Variants in HSD17B2 observed in about 807,000 individuals in gnomAD.
The protein encoded by HSD17B2 is 17-beta-hydroxysteroid dehydrogenase type 2.
HSD17B2 carries 32 observed loss-of-function variants against 26.9 expected under a neutral mutation model. The observed-to-expected ratio is 1.19, with a 90% CI of 0.90 to 1.60. The LOEUF is 1.60. HSD17B2 is among the 40% of genes most tolerant of loss of function. The probability of loss-of-function intolerance (pLI) is 0.00; values close to 1 mark genes in which losing one functional copy is unlikely to be tolerated. For synonymous variants in HSD17B2, 246 were observed against 186.7 expected, an observed-to-expected ratio of 1.32 and a Z score of -2.59; for missense variants, 613 against 468.6, an observed-to-expected ratio of 1.31 and a Z score of -2.85.
intron 3 of HSD17B2, among the ~76,000 whole-genome samples, chr16:82,075,400 A>G (rs533794679): frequency 1.3e-5 from 2 of 152,160 alleles, no homozygotes; most frequent in East Asian, 1.9e-4. Flanking sequence ...ACAAAAGATC[A>G]GCAAAATGAA....
intron 1 of HSD17B2, among the ~76,000 whole-genome samples, chr16:82,036,934 T>A (rs987774459): frequency 2.0e-5 from 3 of 152,182 alleles, no homozygotes; most frequent in Non-Finnish European, 2.9e-5. Flanking sequence ...TTATGAAACC[T>A]TAGGATGAGC....
intron 1 of HSD17B2, among the ~76,000 whole-genome samples, chr16:82,059,894 C>T (rs1914384680): frequency 6.6e-6 from 1 of 151,938 alleles, no homozygotes; most frequent in African/African-American, 2.4e-5. Flanking sequence ...AGGTTATGTT[C>T]CAAGAAAAAT....
At chr16:82,094,235 A>G (rs1039169007) in intron 4 of HSD17B2, 1 of 152,228 alleles carries the variant, frequency 6.6e-6, no homozygotes, top group Non-Finnish European at 1.5e-5. Context: ...CCCCTATTCA[A>G]GATGGAGTTA....
intron 1 of HSD17B2, among the ~76,000 whole-genome samples, chr16:82,057,728 C>G (rs1050342157): frequency 5.3e-5 from 8 of 152,130 alleles, no homozygotes; most frequent in Non-Finnish European, 8.8e-5. Context: ...ATCTTCTTCC[C>G]CCAAACCTAT....
At chr16:82,038,443 G>T (rs907759882) in intron 1 of HSD17B2, among the ~76,000 whole-genome samples, 4 of 152,120 alleles carry the variant, frequency 2.6e-5, no homozygotes, top group Non-Finnish European at 4.4e-5. Context: ...TCTGCCTCCC[G>T]GGTTCAAGTG....
rs147092741 is a variant in HSD17B2, at chr16:82,038,665, G to C, written c.265+2976G>C. ...TTTGAAGACACACAGGCTTGGGTTTGAATCCTGCATCTACCTTGCCTTAGG... is the reference window on the plus strand; with the variant it reads ...TTTGAAGACACACAGGCTTGGGTTTCAATCCTGCATCTACCTTGCCTTAGG... On this transcript the variant is annotated intron_variant, in intron 1 of 4. Coordinates refer to ENST00000199936, the MANE Select transcript of HSD17B2 (RefSeq NM_002153.3). 6.2e-4 allele frequency among the ~76,000 whole-genome samples: 94 copies of C among 152,354 alleles called. 2 individuals are homozygous for C. In the East Asian group the frequency reaches 0.014, roughly 22 times the overall value.
chr16:82,043,826 G>A (rs1397570073), intron 1 of HSD17B2, among the ~76,000 whole-genome samples: 4 of 151,936 alleles, frequency 2.6e-5, no homozygotes, highest in Non-Finnish European at 4.4e-5. Context: ...GTGACAGGGA[G>A]TTGACCCCCT....
chr16:82,088,421 A>G (rs1904590442), intron 3 of HSD17B2, among the ~76,000 whole-genome samples: 1 of 152,214 alleles, frequency 6.6e-6, no homozygotes, highest in South Asian at 2.1e-4. Flanking sequence ...ATTTACAGAT[A>G]AAAAGGCAGA....
Position 82,064,777 on chromosome 16 carries a change from T to C in HSD17B2, c.266-3393T>C, listed in dbSNP as rs542023144. On this transcript the variant is annotated intron_variant, in intron 1 of 4. Transcript: ENST00000199936. ...CATGAGCCAAGAAGATGCTCGTCTA[T>C]GTCTGTGGACAACATCTGACCTCAG... Among the ~76,000 whole-genome samples the C allele has an allele frequency of 6.3e-4, 96 of 152,356 alleles. 1 individual carries two copies. The South Asian group carries it at 0.018, about 28-fold the overall frequency.
chr16:82,080,676 T>C (rs1450493362), intron 3 of HSD17B2, among the ~76,000 whole-genome samples: 2 of 152,222 alleles, frequency 1.3e-5, no homozygotes, highest in Non-Finnish European at 2.9e-5. Context: ...CTCCAATTTA[T>C]AACAAATCAC....
At position 82,053,565 on chromosome 16, in the gene HSD17B2, C is replaced by A. The variant is rs115023118; in HGVS notation, c.266-14605C>A. On this transcript the variant is annotated intron_variant, in intron 1 of 4. Transcript: ENST00000199936. The stretch of plus-strand genomic sequence containing the variant: ...TAGCGCTAGCCATGGACTCTGAGTT[C>A]TCCACTAGACTGTAAGACCTTGAGG... Among the ~76,000 whole-genome samples, 738 of 152,280 alleles carry A rather than the reference C, an allele frequency of 4.8e-3. 9 individuals carry two copies. Among genetic ancestry groups the A allele is most frequent in the African/African-American group, 0.016 (676 of 41,558 alleles).
intron 2 of HSD17B2, among the ~76,000 whole-genome samples, chr16:82,068,638 T>C (rs983150624): frequency 1.3e-5 from 2 of 152,212 alleles, no homozygotes; most frequent in African/African-American, 4.8e-5. Flanking sequence ...CACTCTCCCA[T>C]GAATAATTCC....
At chr16:82,040,644 T>G (rs149848129) in intron 1 of HSD17B2, among the ~76,000 whole-genome samples, 11 of 152,356 alleles carry the variant, frequency 7.2e-5, no homozygotes, top group African/African-American at 2.6e-4. Flanking sequence ...CCCATGACTC[T>G]GCTTAATACA....
intron 4 of HSD17B2, chr16:82,095,672 C>A (rs767462921): frequency 6.6e-6 from 1 of 152,146 alleles, no homozygotes; most frequent in South Asian, 2.1e-4. Context: ...ATAGGAACAA[C>A]TGGAAGGTCA....
chr16:82,035,484 TG>T lies in HSD17B2; in HGVS notation c.63del (p.Thr22GlnfsTer37). On this transcript the variant is annotated frameshift_variant, in exon 1 of 5. Transcript: ENST00000199936. LOFTEE classifies it high-confidence loss of function. Reference sequence around the variant, plus strand: ...GCCTGGCTGTCCCCACAGTACTATGTGGGACAGTATTTTGCAAATACAAGAA... The same window carrying T: ...GCCTGGCTGTCCCCACAGTACTATGTGGACAGTATTTTGCAAATACAAGAA... Reference protein sequence around the residue: ...ICLAVPTVLCGTVFCKYKKSS... With the variant: ...ICLAVPTVLCXTVFCKYKKSS... 1 of 1,613,976 alleles carries T rather than the reference TG, an allele frequency of 6.2e-7. No individual in the cohort carries two copies. Among genetic ancestry groups the T allele is most frequent in the South Asian group, 1.1e-5 (1 of 91,074 alleles).
chr16:82,080,837 T>C lies in HSD17B2; in HGVS notation c.664+9710T>C, dbSNP rs140890280. Reference sequence around the variant, plus strand: ...AGGAACGCTTAGCACTTTATCGCATTCCAAAAAGGCAGAGTCAATCAAACA... The same window carrying C: ...AGGAACGCTTAGCACTTTATCGCATCCCAAAAAGGCAGAGTCAATCAAACA... On this transcript the variant is annotated intron_variant, in intron 3 of 4. Coordinates refer to ENST00000199936, the MANE Select transcript of HSD17B2 (RefSeq NM_002153.3). Among the ~76,000 whole-genome samples the C allele has an allele frequency of 6.1e-3, 935 of 152,314 alleles. 9 individuals are homozygous for C. Among genetic ancestry groups the C allele is most frequent in the South Asian group, 0.051 (247 of 4,830 alleles).
intron 3 of HSD17B2, among the ~76,000 whole-genome samples, chr16:82,085,287 C>A (rs914896462): frequency 6.6e-6 from 1 of 152,162 alleles, no homozygotes; most frequent in African/African-American, 2.4e-5. Flanking sequence ...TTCCCTGACA[C>A]TCTTTAGGGA....
intron 2 of HSD17B2, among the ~76,000 whole-genome samples, chr16:82,069,590 T>G (rs780290946): frequency 1.3e-5 from 2 of 152,156 alleles, no homozygotes; most frequent in Non-Finnish European, 2.9e-5. Context: ...TGCCTCTGTC[T>G]CCCCACAAAT....
intron 1 of HSD17B2, among the ~76,000 whole-genome samples, chr16:82,051,388 A>AGCAGTGC (rs1914102056): frequency 6.6e-6 from 1 of 152,250 alleles, no homozygotes; most frequent in Non-Finnish European, 1.5e-5. Context: ...ACCATGGACT[A>AGCAGTGC]AAAAGGAATG....
Sources: gnomAD v4.1 joint callset for allele counts (sites outside exome capture counted in the v4.1 genomes callset) on GRCh38, gnomAD v4.1.1 for gene constraint, MANE v1.5 for transcripts, NCBI Gene and HGNC (gene_info 2026-07-23, HGNC 2026-07-21) for gene names.